The following CCDC88C variants were observed in gnomAD, a reference collection of about 807,000 sequenced individuals.
The protein encoded by CCDC88C is protein Daple.
In CCDC88C, 131 loss-of-function variants were observed where a neutral mutation model predicts 198.8. That is an observed-to-expected ratio of 0.66 (90% CI 0.57 to 0.76). The LOEUF is 0.76. Ranked by LOEUF, CCDC88C falls within the 30% of genes least tolerant of loss-of-function variation. CCDC88C has a pLI of 0.00. For missense variants in CCDC88C, 2,553 were observed against 2,631.6 expected, an observed-to-expected ratio of 0.97 and a Z score of 0.65; for synonymous variants, 1,166 against 1,114.7, an observed-to-expected ratio of 1.05 and a Z score of -0.92.
chr14:91,401,054 C>T (rs1886139954), intron 3 of CCDC88C, among the ~76,000 whole-genome samples: 1 of 151,106 alleles, frequency 6.6e-6, no homozygotes, highest in Non-Finnish European at 1.5e-5. Flanking sequence ...TTTCTCACTG[C>T]CTGGTAAATG....
chr14:91,398,583 G>A (rs1885985229), intron 3 of CCDC88C, among the ~76,000 whole-genome samples: 1 of 152,180 alleles, frequency 6.6e-6, no homozygotes, highest in African/African-American at 2.4e-5. Context: ...CTTGAGCCCA[G>A]GAGTTTGAGG....
At chr14:91,414,346 A>T (rs1020656181) in intron 2 of CCDC88C, among the ~76,000 whole-genome samples, 1 of 152,188 alleles carries the variant, frequency 6.6e-6, no homozygotes, top group Non-Finnish European at 1.5e-5. Flanking sequence ...CCAGTGTCAC[A>T]CTGCTGGTAA....
chr14:91,304,681 T>C (rs1309994563), intron 19 of CCDC88C, among the ~76,000 whole-genome samples: 1 of 152,206 alleles, frequency 6.6e-6, no homozygotes, highest in African/African-American at 2.4e-5. Context: ...ATCAACCTAC[T>C]TAACATAATT....
intron 13 of CCDC88C, among the ~76,000 whole-genome samples, chr14:91,320,044 A>G (rs1028226686): frequency 5.3e-5 from 8 of 151,602 alleles, no homozygotes; most frequent in Admixed American, 2.0e-4. Flanking sequence ...AAAAAAAAAA[A>G]AAAAAAAAGA....
intron 4 of CCDC88C, among the ~76,000 whole-genome samples, chr14:91,349,452 G>A (rs1443743947): frequency 6.6e-6 from 1 of 152,192 alleles, no homozygotes; most frequent in Non-Finnish European, 1.5e-5. Context: ...ACACTTACTC[G>A]AGCTGCTGTT....
chr14:91,331,120 G>A (rs1892806939), intron 10 of CCDC88C, among the ~76,000 whole-genome samples: 1 of 148,942 alleles, frequency 6.7e-6, no homozygotes, highest in Non-Finnish European at 1.5e-5. Context: ...GGGGGTGGGG[G>A]GAGCGGTGCA....
intron 25 of CCDC88C, among the ~76,000 whole-genome samples, chr14:91,287,853 G>C (rs539143980): frequency 6.6e-6 from 1 of 152,054 alleles, no homozygotes; most frequent in African/African-American, 2.4e-5. Context: ...AAATGACTTG[G>C]GATGCAGGCC....
Position 91,299,959 on chromosome 14 carries a change from G to A in CCDC88C, c.3747C>T (p.Gly1249=), listed in dbSNP as rs1447097317. ...QEQRTNALAM[G]ENQRLRGELD... ...GCTCGCCCCGCAGCCTCTGGTTCTCGCCCATGGCGAGGGCGTTTGTCCTCT... is the reference window on the plus strand; with the variant it reads ...GCTCGCCCCGCAGCCTCTGGTTCTCACCCATGGCGAGGGCGTTTGTCCTCT... The change falls in exon 21 of 30, where the codon GGC becomes GGT. Residue 1249 remains glycine, a synonymous_variant. Transcript: ENST00000389857. The A allele has an allele frequency of 1.0e-5, 16 of 1,591,786 alleles. 1 individual carries two copies. The highest frequency in any genetic ancestry group is 3.4e-5 in the South Asian group (3 of 88,192).
chr14:91,355,260 G>A (rs548206537), intron 4 of CCDC88C, among the ~76,000 whole-genome samples: 7 of 152,296 alleles, frequency 4.6e-5, no homozygotes, highest in African/African-American at 1.4e-4. Context: ...CCAGGCGACA[G>A]CGCAGACACG....
rs1884813126 is a variant in CCDC88C, at chr14:91,381,858, T to TG, written c.271-22148dup. On this transcript the variant is annotated intron_variant, in intron 3 of 29. Transcript: ENST00000389857. The surrounding 1 kb of genome is among the most constrained non-coding windows in gnomAD (Gnocchi z 4.2). ...AAACAACAAAAAACCGGCCCTTTCT[T>TG]GCGAGACTCAGCTCACTCCTCTCTC... Among the ~76,000 whole-genome samples, 1 of 152,054 alleles carries TG rather than the reference T, an allele frequency of 6.6e-6. No individual in the cohort carries two copies. Among genetic ancestry groups the TG allele is most frequent in the Non-Finnish European group, 1.5e-5 (1 of 67,986 alleles).
Position 91,313,105 on chromosome 14 carries a change from G to A in CCDC88C, c.2711C>T (p.Ala904Val). The A allele has an allele frequency of 6.3e-7, 1 of 1,597,504 alleles. No individual in the cohort carries two copies. The highest frequency in any genetic ancestry group is 8.6e-7 in the Non-Finnish European group (1 of 1,169,534). ...CTCCCTCAGAGTTGTCAGTGTCCTT[G>A]CATGCACGGTGACTTGCTTGGTGAG... ...RDLTKQVTVH[A>V]RTLTTLREDL... The change falls in exon 15 of 30, where the codon GCA becomes GTA. Residue 904 changes from alanine to valine, a missense_variant. This residue lies in a region of CCDC88C where 1,260 missense variants were observed against 1,412.0 expected (regional missense o/e 0.89). Transcript: ENST00000389857. This position sits in a 1 kb window ranked among gnomAD's most constrained non-coding sequence, Gnocchi z 5.2.
intron 12 of CCDC88C, among the ~76,000 whole-genome samples, chr14:91,323,049 G>A (rs573559241): frequency 6.6e-6 from 1 of 152,134 alleles, no homozygotes; most frequent in South Asian, 2.1e-4. Context: ...GGGATTACAG[G>A]TGTGCACCAC....
At position 91,325,609 on chromosome 14, in the gene CCDC88C, C is replaced by T. The variant is rs1892551776; in HGVS notation, c.1197+301G>A. Among the ~76,000 whole-genome samples, 1 of 152,110 alleles carries T rather than the reference C, an allele frequency of 6.6e-6. No individual in the cohort carries two copies. The highest frequency in any genetic ancestry group is 1.5e-5 in the Non-Finnish European group (1 of 68,016). ...TCTTTTTTTCTGAGACAAGGTCTTGCTCTATCACCCAGGCTGGAATGCAAT... is the reference window on the plus strand; with the variant it reads ...TCTTTTTTTCTGAGACAAGGTCTTGTTCTATCACCCAGGCTGGAATGCAAT... On this transcript the variant is annotated intron_variant, in intron 11 of 29. Transcript: ENST00000389857. This position sits in a 1 kb window ranked among gnomAD's most constrained non-coding sequence, Gnocchi z 4.1.
intron 4 of CCDC88C, among the ~76,000 whole-genome samples, chr14:91,350,888 C>T (rs1320095263): frequency 6.6e-6 from 1 of 152,224 alleles, no homozygotes; most frequent in Non-Finnish European, 1.5e-5. Context: ...CCCCCGAGGA[C>T]GGCATGATGA....
chr14:91,379,807 G>C (rs1884670984), intron 3 of CCDC88C: 3 of 702,834 alleles, frequency 4.3e-6, no homozygotes, highest in Non-Finnish European at 7.8e-6. Context: ...ACTTCCACTG[G>C]GTTTGTTTGA....
chr14:91,272,409 C>T lies in CCDC88C; in HGVS notation c.*216G>A, dbSNP rs1236570432. 9.0e-6 allele frequency: 5 copies of T among 555,374 alleles called. No homozygotes were observed. Among genetic ancestry groups the T allele is most frequent in the Admixed American group, 3.6e-5 (1 of 27,840 alleles). 34.4% of individuals were successfully genotyped at this position (555,374 alleles called of 1,614,324 possible). A position where few individuals can be genotyped will look rare whatever the true frequency, so the allele number is the denominator to read the frequency against. On this transcript the variant is annotated 3_prime_UTR_variant, in exon 30 of 30. Coordinates refer to ENST00000389857, the MANE Select transcript of CCDC88C (RefSeq NM_001080414.4). ...TTCCAAAGATATCAGCTGCTGGAAGCGGCAGACACAGAAAACACGTTACAC... is the reference window on the plus strand; with the variant it reads ...TTCCAAAGATATCAGCTGCTGGAAGTGGCAGACACAGAAAACACGTTACAC...
At chr14:91,330,512 A>G (rs1411244181) in intron 10 of CCDC88C, among the ~76,000 whole-genome samples, 2 of 152,152 alleles carry the variant, frequency 1.3e-5, no homozygotes, top group Admixed American at 6.5e-5. Context: ...GAGTAACATG[A>G]GCGAGGATGC....
At chr14:91,311,303 C>G (rs1027859474) in intron 15 of CCDC88C, among the ~76,000 whole-genome samples, 15 of 152,232 alleles carry the variant, frequency 9.9e-5, no homozygotes, top group African/African-American at 2.7e-4. Context: ...ATCTCTCCCC[C>G]ACAGCACATG....
At position 91,339,138 on chromosome 14, in the gene CCDC88C, T is replaced by C; in HGVS notation, c.809+140A>G. 1.0e-6 allele frequency: 1 copy of C among 994,640 alleles called. No homozygotes were observed. The highest frequency in any genetic ancestry group is 1.5e-6 in the Non-Finnish European group (1 of 648,976). The allele number at this position is 994,640 out of a possible 1,614,324, so 61.6% of individuals were successfully genotyped here. A position where few individuals can be genotyped will look rare whatever the true frequency, so the allele number is the denominator to read the frequency against. On this transcript the variant is annotated intron_variant, in intron 8 of 29. Transcript: ENST00000389857. This position sits in a 1 kb window ranked among gnomAD's most constrained non-coding sequence, Gnocchi z 5.8. The stretch of plus-strand genomic sequence containing the variant: ...AGGCAGCTAGTCCGAGGTCAAAGAG[T>C]AAGCTCAGGGCAGACCCCAGCTGAC...
Sources: gnomAD v4.1 joint callset for allele counts (sites outside exome capture counted in the v4.1 genomes callset) on GRCh38, gnomAD v4.1.1 for gene constraint, gnomAD v4.1.1 regional missense constraint, Gnocchi (gnomAD v3.1) non-coding constraint, MANE v1.5 for transcripts, NCBI Gene and HGNC (gene_info 2026-07-23, HGNC 2026-07-21) for gene names.